Variants in FREM1 observed in about 807,000 individuals in gnomAD.
The protein encoded by FREM1 is FRAS1 related extracellular matrix 1, also known as FRAS1-related extracellular matrix protein 1.
In FREM1, 220 loss-of-function variants were observed where a neutral mutation model predicts 210.1. The observed-to-expected ratio is 1.05, with a 90% CI of 0.94 to 1.17. The LOEUF (loss-of-function observed/expected upper bound fraction) is 1.17. FREM1 is among the 50% of genes most tolerant of loss of function. FREM1 has a pLI of 0.00. For synonymous variants in FREM1, 1,189 were observed against 980.2 expected (o/e 1.21, Z -3.98); for missense variants, 3,454 against 2,675.5 (o/e 1.29, Z -6.42).
In FREM1 at chr9:14,868,967, A is replaced by G; in HGVS notation, c.11T>C (p.Leu4Pro). 1 of 1,578,168 alleles carries G rather than the reference A, an allele frequency of 6.3e-7. No homozygotes were observed. The highest frequency in any genetic ancestry group is 1.3e-5 in the African/African-American group (1 of 74,302). The change falls in exon 2 of 37, where the codon CTG (leucine) becomes CCG (proline). Residue 4 changes from leucine (L) to proline (P), a missense_variant. Physicochemically the swap from Leu to Pro is moderately conservative, Grantham distance 98. Transcript: ENST00000380880. Reference sequence around the variant, plus strand: ...CACGGCATTCGCAGCCCCCCAACTCAGAGAGTTCATGCTGACAGGGCCCAA... The same window carrying G: ...CACGGCATTCGCAGCCCCCCAACTCGGAGAGTTCATGCTGACAGGGCCCAA... MNS[L>P]SWGAANAVLL...
At chr9:14,764,222 G>C (rs1161761478) in intron 27 of FREM1, among the ~76,000 whole-genome samples, 3 of 152,250 alleles carry the variant, frequency 2.0e-5, no homozygotes, top group South Asian at 4.1e-4. Flanking sequence ...TGCCATGCTT[G>C]TGAGTCCTCC....
intron 1 of FREM1, among the ~76,000 whole-genome samples, chr9:14,904,126 A>C (rs543675757): frequency 5.1e-4 from 78 of 151,800 alleles, no homozygotes; most frequent in African/African-American, 1.8e-3. Context: ...AAAAAAAAAA[A>C]AAAAAAAAAA....
Position 14,842,355 on chromosome 9 carries a change from C to T in FREM1, c.1699G>A (p.Ala567Thr). 1 of 1,605,046 alleles carries T rather than the reference C, an allele frequency of 6.2e-7. No individual in the cohort carries two copies. Among genetic ancestry groups the T allele is most frequent in the Non-Finnish European group, 8.5e-7 (1 of 1,174,270 alleles). Residue 567 changes from alanine (A) to threonine (T), a missense_variant, in exon 9 of 37, where the codon GCT (alanine) becomes ACT (threonine). Physicochemically the swap from Ala to Thr is moderately conservative, Grantham distance 58. Transcript: ENST00000380880. ...IFFNITKPPQ[A>T]GEIMKKPGPG... ...CCTGGCTTCTTCATGATCTCCCCAG[C>T]CTGTGGAGGCTTTGTGATATTGAAG...
At position 14,747,721 on chromosome 9, in the gene FREM1, G is replaced by T; in HGVS notation, c.5804C>A (p.Pro1935Gln). The T allele has an allele frequency of 6.5e-7, 1 of 1,540,334 alleles. No homozygotes were observed. Among genetic ancestry groups the T allele is most frequent in the South Asian group, 1.2e-5 (1 of 81,738 alleles). The change falls in exon 32 of 37, where the codon CCA becomes CAA. Residue 1935 changes from proline to glutamine, a missense_variant. Pro to Gln is a moderately conservative substitution (Grantham distance 76). Coordinates refer to ENST00000380880, the MANE Select transcript of FREM1 (RefSeq NM_001379081.2). The stretch of plus-strand genomic sequence containing the variant: ...TGTTCCATTTCTATAAACAGAGGAT[G>T]GACGAACCTGAAATTGACAGAGAAC... ...RTRGNGKTVRPSSVYRNGTDI... is the reference protein window; with the variant it reads ...RTRGNGKTVRQSSVYRNGTDI...
chr9:14,866,777 G>C (rs1038477974), intron 2 of FREM1, among the ~76,000 whole-genome samples: 2 of 152,028 alleles, frequency 1.3e-5, no homozygotes, highest in African/African-American at 4.8e-5. Flanking sequence ...GTACAGCCCT[G>C]GGTTCCTGCT....
rs771396927 is a variant in FREM1, at chr9:14,812,917, T to C, written c.2788A>G (p.Ile930Val). Reference sequence around the variant, plus strand: ...ACCCCATGCTGAGGTTCGCGAGCAATCACAAACATCAACTTCAAGTTATCG... The same window carrying C: ...ACCCCATGCTGAGGTTCGCGAGCAACCACAAACATCAACTTCAAGTTATCG... ...DSDNLKLMFV[I>V]AREPQHGVVR... The change falls in exon 16 of 37, where the codon ATT becomes GTT. Residue 930 changes from isoleucine (I) to valine (V), a missense_variant. By Grantham distance (29) the Ile-to-Val change is conservative. Transcript: ENST00000380880. 104 of 1,613,758 alleles carry C rather than the reference T, an allele frequency of 6.4e-5. No individual in the cohort carries two copies. The highest frequency in any genetic ancestry group is 1.6e-4 in the Middle Eastern group (1 of 6,080).
intron 2 of FREM1, among the ~76,000 whole-genome samples, chr9:14,866,871 T>C (rs1231218813): frequency 1.3e-5 from 2 of 152,052 alleles, no homozygotes; most frequent in Admixed American, 1.3e-4. Context: ...TCCTTTCTTT[T>C]TTTTTTCAGA....
intron 16 of FREM1, 48 bp from the exon 17 acceptor site, chr9:14,808,182 A>G: frequency 7.8e-7 from 1 of 1,277,972 alleles, no homozygotes; most frequent in South Asian, 1.7e-5. Flanking sequence ...AAAATATAGA[A>G]TACCAAGATG....
chr9:14,857,508 T>A (rs1223677899), intron 5 of FREM1, 45 bp downstream of exon 5: 2 of 1,505,130 alleles, frequency 1.3e-6, no homozygotes, highest in East Asian at 2.3e-5. Context: ...ACTGGCTCTC[T>A]TACTGTGAAT....
intron 10 of FREM1, among the ~76,000 whole-genome samples, chr9:14,834,312 T>C (rs1824137629): frequency 6.6e-6 from 1 of 152,136 alleles, no homozygotes; most frequent in Admixed American, 6.5e-5. Flanking sequence ...CACTACACCT[T>C]CTTCTCCCAT....
At chr9:14,857,835 T>A in intron 4 of FREM1, 86 bp from the exon 5 acceptor site, 1 of 904,842 alleles carries the variant, frequency 1.1e-6, no homozygotes, top group Non-Finnish European at 1.7e-6. Flanking sequence ...CCATGAATAC[T>A]TATTCCCTCT....
intron 21 of FREM1, among the ~76,000 whole-genome samples, chr9:14,794,766 G>A (rs947601405): frequency 6.6e-6 from 1 of 152,146 alleles, no homozygotes; most frequent in Non-Finnish European, 1.5e-5. Flanking sequence ...TTTGGAGGCT[G>A]AGGCAGGCAG....
chr9:14,763,698 T>C (rs967964746), intron 27 of FREM1, among the ~76,000 whole-genome samples: 1 of 152,176 alleles, frequency 6.6e-6, no homozygotes, highest in South Asian at 2.1e-4. Context: ...AAAATCACAA[T>C]GTCTTTCCCA....
intron 26 of FREM1, among the ~76,000 whole-genome samples, chr9:14,770,124 A>G (rs1563880551): frequency 6.6e-6 from 1 of 152,214 alleles, no homozygotes; most frequent in Non-Finnish European, 1.5e-5. Context: ...AGAAAGATAC[A>G]GTAATAAAAA....
chr9:14,859,491 A>G lies in FREM1; in HGVS notation c.330-7T>C, dbSNP rs767818027. 6.2e-7 allele frequency: 1 copy of G among 1,607,412 alleles called. No homozygotes were observed. Among genetic ancestry groups the G allele is most frequent in the South Asian group, 1.1e-5 (1 of 90,122 alleles). The stretch of plus-strand genomic sequence containing the variant: ...GGTATCTCTTTCAGTAAATCTGTGG[A>G]GAACACAGGGCAAAAGCAATATTAA... On this transcript the variant is annotated splice_region_variant and splice_polypyrimidine_tract_variant and intron_variant, in intron 3 of 36. Coordinates refer to ENST00000380880, the MANE Select transcript of FREM1 (RefSeq NM_001379081.2).
rs868815512 is a variant in FREM1 at position 14,819,321 on chromosome 9, G to A, written c.2459C>T (p.Pro820Leu). ...DNIDLSLREL[P>L]LHGRVELNGF... ...ATTCAGCTCCACCCTTCCGTGCAGA[G>A]GCAATTCCCGCAGGGAGAGGTCAAT... Residue 820 changes from proline (P) to leucine (L), a missense_variant, in exon 14 of 37, where the codon CCT becomes CTT. Transcript: ENST00000380880. The A allele has an allele frequency of 1.9e-6, 3 of 1,613,902 alleles. No individual in the cohort carries two copies. Among genetic ancestry groups the A allele is most frequent in the Non-Finnish European group, 2.5e-6 (3 of 1,179,790 alleles).
intron 24 of FREM1, among the ~76,000 whole-genome samples, chr9:14,780,433 G>GAAAAAAAAAAAAAAAAAAAAAAAAAA (rs58017285): frequency 1.6e-4 from 13 of 81,538 alleles, no homozygotes; most frequent in Admixed American, 2.8e-4. Context: ...CAGCTCCTCA[G>GAAAAAAAAAAAAAAAAAAAAAAAAAA]AAAAAAAAAA....
chr9:14,776,786 C>T (rs1003897186), intron 24 of FREM1, among the ~76,000 whole-genome samples: 8 of 152,270 alleles, frequency 5.3e-5, no homozygotes, highest in Admixed American at 2.0e-4. Context: ...CCCTTCCAGG[C>T]CTCATTTCCA....
chr9:14,800,628 A>G (rs1817096900), intron 20 of FREM1, among the ~76,000 whole-genome samples: 1 of 151,960 alleles, frequency 6.6e-6, no homozygotes, highest in Non-Finnish European at 1.5e-5. Flanking sequence ...TTTAAAAAGG[A>G]TTTTTTTTAC....
Sources: gnomAD v4.1 joint callset for allele counts (sites outside exome capture counted in the v4.1 genomes callset) on GRCh38, gnomAD v4.1.1 for gene constraint, MANE v1.5 for transcripts, NCBI Gene and HGNC (gene_info 2026-07-23, HGNC 2026-07-21) for gene names.